The following RFX8 variants were observed in gnomAD, a reference collection of about 807,000 sequenced individuals.
RFX8 encodes the protein regulatory factor X8, also known as DNA-binding protein RFX8.
A neutral mutation model predicts 54.6 loss-of-function variants in RFX8; 46 were observed. The ratio of observed to expected loss-of-function variants is 0.84; its 90% CI spans 0.67 to 1.08. The LOEUF (loss-of-function observed/expected upper bound fraction) is 1.08, where lower values mean the gene tolerates loss of function less well. RFX8 is among the 50% of genes least tolerant of loss of function. The pLI is 0.00. For synonymous variants in RFX8, 192 were observed against 209.5 expected (o/e 0.92, Z 0.72); for missense variants, 536 against 562.3 (o/e 0.95, Z 0.47).
rs1686249266 is a variant in RFX8 at position 101,413,089 on chromosome 2, G to A, written c.562-18C>T. 1 of 1,543,110 alleles carries A rather than the reference G, an allele frequency of 6.5e-7. No individual in the cohort carries two copies. Among genetic ancestry groups the A allele is most frequent in the Non-Finnish European group, 8.7e-7 (1 of 1,143,184 alleles). On this transcript the variant is annotated intron_variant, in intron 7 of 11. Coordinates refer to ENST00000428343, the MANE Select transcript of RFX8 (RefSeq NM_001145664.2). ...CGCATAGTCTAAAGATAACAGGGAG[G>A]CATAATACTTAATTCAATCTGGTCA...
At chr2:101,419,523 G>C (rs775899988) in intron 4 of RFX8, among the ~76,000 whole-genome samples, 1 of 152,198 alleles carries the variant, frequency 6.6e-6, no homozygotes, top group Non-Finnish European at 1.5e-5. Context: ...CCTCTTTTCT[G>C]TTTTTTCCCA....
chr2:101,406,120 T>G, intron 9 of RFX8, 63 bp from the exon 10 acceptor site: 1 of 907,110 alleles, frequency 1.1e-6, no homozygotes, highest in Non-Finnish European at 1.7e-6. Flanking sequence ...CATAGTATGT[T>G]TTCAAATGCA....
chr2:101,469,096 A>AAG lies in RFX8; in HGVS notation c.-52-2197_-52-2196insCT, dbSNP rs1558896925. ...TATATATAAGTGTATATATATAAGT[A>AAG]TATATATATAAGTGTATATATATAT... On this transcript the variant is annotated intron_variant, in intron 1 of 11. Transcript: ENST00000428343. 7.9e-5 allele frequency among the ~76,000 whole-genome samples: 9 copies of AAG among 113,470 alleles called. 1 individual carries two copies. Among genetic ancestry groups the AAG allele is most frequent in the East Asian group, 5.2e-4 (2 of 3,860 alleles). 74.4% of individuals were successfully genotyped at this position (113,470 alleles called of 152,430 possible). A position where few individuals can be genotyped will look rare whatever the true frequency, so the allele number is the denominator to read the frequency against.
chr2:101,406,140 C>A, intron 9 of RFX8, 83 bp from the exon 10 acceptor site: 5 of 708,474 alleles, frequency 7.1e-6, no homozygotes, highest in South Asian at 2.0e-5. Context: ...ACACATTTGT[C>A]ATGCACACGC....
intron 6 of RFX8, among the ~76,000 whole-genome samples, chr2:101,417,324 C>T (rs1259629510): frequency 6.6e-6 from 1 of 152,204 alleles, no homozygotes; most frequent in Non-Finnish European, 1.5e-5. Flanking sequence ...CCCGCCTCAG[C>T]CTTCTGAGTA....
At chr2:101,418,560 G>T (rs1320068269) in intron 5 of RFX8, among the ~76,000 whole-genome samples, 1 of 152,222 alleles carries the variant, frequency 6.6e-6, no homozygotes, top group Non-Finnish European at 1.5e-5. Context: ...ATTCATTTTA[G>T]AATGTCTTCT....
intron 6 of RFX8, 128 bp from the exon 7 acceptor site, chr2:101,415,040 C>G: frequency 1.5e-6 from 1 of 664,814 alleles, no homozygotes; most frequent in African/African-American, 1.8e-5. Flanking sequence ...CCCCCACCCC[C>G]GTGTCTGCTG....
chr2:101,415,109 G>A (rs1483015499), intron 6 of RFX8, among the ~76,000 whole-genome samples, 197 bp from the exon 7 acceptor site: 2 of 152,048 alleles, frequency 1.3e-5, no homozygotes, highest in Non-Finnish European at 2.9e-5. Context: ...ATGTCCTCAT[G>A]TGCCAGAAAA....
At chr2:101,419,059 T>C (rs1686704832) in intron 4 of RFX8, 95 bp from the exon 5 acceptor site, 3 of 654,096 alleles carry the variant, frequency 4.6e-6, no homozygotes, top group Non-Finnish European at 8.2e-6. Context: ...CAGATGACAA[T>C]GGGATGAATT....
chr2:101,415,455 C>T (rs1686437757), intron 6 of RFX8, among the ~76,000 whole-genome samples: 1 of 152,204 alleles, frequency 6.6e-6, no homozygotes, highest in Admixed American at 6.5e-5. Flanking sequence ...TTATATACTG[C>T]CACCTAGTTG....
chr2:101,435,790 T>C (rs1558867416), intron 2 of RFX8, among the ~76,000 whole-genome samples: 1 of 151,986 alleles, frequency 6.6e-6, no homozygotes, highest in Non-Finnish European at 1.5e-5. Context: ...GAGGTGGTCT[T>C]GTTCATATGG....
chr2:101,436,905 A>G (rs908462582), intron 2 of RFX8, among the ~76,000 whole-genome samples: 13 of 152,150 alleles, frequency 8.5e-5, no homozygotes, highest in Non-Finnish European at 1.2e-4. Context: ...ACAGATGAAA[A>G]TGCCAGGAGA....
intron 2 of RFX8, among the ~76,000 whole-genome samples, chr2:101,447,854 C>T (rs1281352502): frequency 6.6e-6 from 1 of 152,198 alleles, no homozygotes; most frequent in Non-Finnish European, 1.5e-5. Context: ...TGAGTGAGAA[C>T]ACGCAATATT....
chr2:101,461,332 T>A (rs749311917), intron 2 of RFX8, among the ~76,000 whole-genome samples: 56 of 150,148 alleles, frequency 3.7e-4, no homozygotes, highest in Non-Finnish European at 6.5e-4. Context: ...AAAGGAAAAG[T>A]CAGCCAAATC....
rs113077950 is a variant in RFX8 at position 101,460,637 on chromosome 2, G to A, written c.72+6140C>T. 1.8e-4 allele frequency among the ~76,000 whole-genome samples: 27 copies of A among 152,034 alleles called. No homozygotes were observed. The East Asian group carries it at 4.5e-3, about 25-fold the overall frequency. ...ACAAAACACAGAGCAGGGAAGCCAC[G>A]GTATTTGGAGCTGTCAAGTAATTAC... On this transcript the variant is annotated intron_variant, in intron 2 of 11. Transcript: ENST00000428343.
intron 8 of RFX8, among the ~76,000 whole-genome samples, chr2:101,411,609 GTCAGAACTGCAGAATTACTAA>G (rs1686135684): frequency 6.6e-6 from 1 of 152,120 alleles, no homozygotes; most frequent in African/African-American, 2.4e-5. Context: ...GTTCCTACTA[GTCAGAACTGCAGAATTACTAA>G]TCAGAATTAG....
At chr2:101,397,802 A>G in intron 11 of RFX8, 78 bp from the exon 12 acceptor site, 6 of 1,258,546 alleles carry the variant, frequency 4.8e-6, no homozygotes, top group Admixed American at 2.8e-5. Context: ...TACCATTTGA[A>G]TTCTTCTACC....
At chr2:101,467,528 C>T (rs1256879256) in intron 1 of RFX8, among the ~76,000 whole-genome samples, 2 of 152,202 alleles carry the variant, frequency 1.3e-5, no homozygotes, top group Non-Finnish European at 2.9e-5. Context: ...AGGCAGAGTG[C>T]TTTTGCTCTG....
At position 101,402,748 on chromosome 2, in the gene RFX8, G is replaced by A. The variant is rs1000380647; in HGVS notation, c.933C>T (p.Ser311=). The change falls in exon 11 of 12, where the codon TCC becomes TCT. Residue 311 remains serine, a synonymous_variant. Transcript: ENST00000428343. Reference sequence around the variant, plus strand: ...AAAGCAACAAGTGAAACAGATGCCAGGAGCCTACATTTAGATAATAACCAA... The same window carrying A: ...AAAGCAACAAGTGAAACAGATGCCAAGAGCCTACATTTAGATAATAACCAA... ...MTLCHRDSFG[S]WHLFHLLLLE... is the part of the protein sequence containing the mutation. 34 of 1,543,146 alleles carry A rather than the reference G, an allele frequency of 2.2e-5. No homozygotes were observed. Among genetic ancestry groups the A allele is most frequent in the Non-Finnish European group, 3.0e-5 (34 of 1,140,464 alleles).
Sources: allele counts gnomAD v4.1 joint callset (sites outside exome capture counted in the v4.1 genomes callset), GRCh38; gene constraint gnomAD v4.1.1; transcripts MANE v1.5; gene names NCBI Gene and HGNC (gene_info 2026-07-23, HGNC 2026-07-21).